NPAS3: variants seen among roughly 807,000 people sequenced by gnomAD.
NPAS3 encodes the protein neuronal PAS domain protein 3, also known as neuronal PAS domain-containing protein 3.
In NPAS3, 14 loss-of-function variants were observed where a neutral mutation model predicts 73.1. That is an observed-to-expected ratio of 0.19 (90% CI 0.13 to 0.30). NPAS3 has a LOEUF of 0.30. Ranked by LOEUF, NPAS3 falls within the 10% of genes least tolerant of loss-of-function variation. NPAS3 has a pLI of 1.00. For synonymous variants in NPAS3, 620 were observed against 541.5 expected, an observed-to-expected ratio of 1.14 and a Z score of -2.01; for missense variants, 1,096 against 1,250.0, an observed-to-expected ratio of 0.88 and a Z score of 1.86.
intron 9 of NPAS3, among the ~76,000 whole-genome samples, chr14:33,789,635 C>T (rs2063291001): frequency 8.0e-6 from 1 of 124,296 alleles, no homozygotes; most frequent in Admixed American, 9.3e-5. Flanking sequence ...GTCGCCCAGG[C>T]TGGAGTGCAG....
intron 3 of NPAS3, among the ~76,000 whole-genome samples, chr14:33,297,582 A>G (rs2042353085): frequency 6.6e-6 from 1 of 152,230 alleles, no homozygotes; most frequent in Non-Finnish European, 1.5e-5. Flanking sequence ...ATTGATTGCT[A>G]GTATAGGCAA....
chr14:33,649,260 T>A (rs541880028), intron 5 of NPAS3, among the ~76,000 whole-genome samples: 11 of 152,194 alleles, frequency 7.2e-5, no homozygotes, highest in Non-Finnish European at 1.0e-4. Flanking sequence ...GCTGTTTAAC[T>A]GAAATAAGGC....
intron 2 of NPAS3, among the ~76,000 whole-genome samples, chr14:33,198,987 C>A (rs56714741): frequency 0.34 from 51,418 of 152,118 alleles, 8,985 homozygotes; most frequent in East Asian, 0.52. Flanking sequence ...AGATGCTAAG[C>A]CCCACACTGT....
At chr14:33,631,540 A>G (rs1409615931) in intron 5 of NPAS3, among the ~76,000 whole-genome samples, 2 of 152,330 alleles carry the variant, frequency 1.3e-5, no homozygotes, top group South Asian at 2.1e-4. Flanking sequence ...CACGTGTCCC[A>G]GTGGCCTTTA....
intron 3 of NPAS3, among the ~76,000 whole-genome samples, chr14:33,222,809 T>C (rs934628757): frequency 2.6e-5 from 4 of 152,010 alleles, no homozygotes; most frequent in Non-Finnish European, 5.9e-5. Context: ...TGAGTTTAAA[T>C]CATAAACTAG....
At chr14:33,198,716 C>G (rs544658572) in intron 2 of NPAS3, among the ~76,000 whole-genome samples, 1 of 152,226 alleles carries the variant, frequency 6.6e-6, no homozygotes, top group East Asian at 1.9e-4. Context: ...CGGAGCTGCC[C>G]GCCAGCCCTG....
intron 2 of NPAS3, among the ~76,000 whole-genome samples, chr14:33,111,896 C>A (rs1472650363): frequency 4.6e-5 from 7 of 151,058 alleles, no homozygotes; most frequent in African/African-American, 1.5e-4. Context: ...TCAATTCCCA[C>A]CTATGAGTGA....
At chr14:33,167,799 A>G (rs2045221357) in intron 2 of NPAS3, among the ~76,000 whole-genome samples, 1 of 152,172 alleles carries the variant, frequency 6.6e-6, no homozygotes, top group South Asian at 2.1e-4. Context: ...ACTTCCAGAC[A>G]TGGTTATTCT....
intron 4 of NPAS3, among the ~76,000 whole-genome samples, chr14:33,406,434 G>A (rs1281497016): frequency 2.6e-5 from 4 of 152,228 alleles, no homozygotes; most frequent in East Asian, 1.9e-4. Context: ...TCAGAAATCT[G>A]TTGGCCATGG....
chr14:33,154,874 T>A (rs2044591252), intron 2 of NPAS3, among the ~76,000 whole-genome samples: 1 of 152,224 alleles, frequency 6.6e-6, no homozygotes, highest in Non-Finnish European at 1.5e-5. Flanking sequence ...ATTTGAGGCT[T>A]CTACCCAGAG....
In NPAS3 at chr14:32,946,346, G is replaced by GCACACACACACACACACACACACA. The variant is rs5807694; in HGVS notation, c.50+6981_50+6982insACACACACACACACACACACACAC. On this transcript the variant is annotated intron_variant, in intron 1 of 11. Transcript: ENST00000356141. ...CCCCATCCCCCCAACACACACACAC[G>GCACACACACACACACACACACACA]CGCACACACACACACACACACACAC... Among the ~76,000 whole-genome samples the GCACACACACACACACACACACACA allele has an allele frequency of 9.9e-5, 13 of 131,872 alleles. 1 individual carries two copies. Among genetic ancestry groups the GCACACACACACACACACACACACA allele is most frequent in the Non-Finnish European group, 1.7e-4 (11 of 63,128 alleles). 86.5% of individuals were successfully genotyped at this position (131,872 alleles called of 152,430 possible). A position where few individuals can be genotyped will look rare whatever the true frequency, so the allele number is the denominator to read the frequency against.
At chr14:33,576,346 A>T (rs1395693935) in intron 5 of NPAS3, among the ~76,000 whole-genome samples, 2 of 152,194 alleles carry the variant, frequency 1.3e-5, no homozygotes, top group East Asian at 3.8e-4. Context: ...TCCTAGCTCT[A>T]GGCATGCCCT....
intron 5 of NPAS3, among the ~76,000 whole-genome samples, chr14:33,561,843 T>C (rs1263684207): frequency 6.6e-6 from 1 of 152,232 alleles, no homozygotes; most frequent in Non-Finnish European, 1.5e-5. Context: ...ATCCATTATA[T>C]ACTAGCTCAA....
chr14:33,531,718 G>GGT (rs370897165), intron 4 of NPAS3, among the ~76,000 whole-genome samples: 11 of 152,024 alleles, frequency 7.2e-5, no homozygotes, highest in Non-Finnish European at 5.9e-5. Context: ...TGCATTACGT[G>GGT]GTGTGTGTGT....
intron 1 of NPAS3, among the ~76,000 whole-genome samples, chr14:32,947,588 CAT>C (rs907036022): frequency 2.0e-5 from 3 of 151,754 alleles, no homozygotes; most frequent in Non-Finnish European, 4.4e-5. Flanking sequence ...ATGATACACA[CAT>C]ATATATACAC....
At chr14:33,747,163 C>A (rs2140733297) in intron 7 of NPAS3, among the ~76,000 whole-genome samples, 1 of 151,942 alleles carries the variant, frequency 6.6e-6, no homozygotes, top group African/African-American at 2.4e-5. Flanking sequence ...GCATTATTCA[C>A]AATAGCAAAG....
At chr14:33,502,508 C>T (rs547888942) in intron 4 of NPAS3, among the ~76,000 whole-genome samples, 4 of 152,018 alleles carry the variant, frequency 2.6e-5, no homozygotes, top group South Asian at 2.1e-4. Flanking sequence ...TCTTTGACTT[C>T]GTGTGTTTTC....
At chr14:33,060,823 T>A (rs184224391) in intron 2 of NPAS3, among the ~76,000 whole-genome samples, 8 of 152,346 alleles carry the variant, frequency 5.3e-5, no homozygotes, top group African/African-American at 1.9e-4. Context: ...AATGGGTAGT[T>A]TTTTCCAACA....
At chr14:33,152,612 G>A (rs546183435) in intron 2 of NPAS3, among the ~76,000 whole-genome samples, 1 of 152,220 alleles carries the variant, frequency 6.6e-6, no homozygotes, top group East Asian at 1.9e-4. Flanking sequence ...AGTGATTGAT[G>A]TTTTTATATG....
Sources: allele counts gnomAD v4.1 joint callset (sites outside exome capture counted in the v4.1 genomes callset), GRCh38; gene constraint gnomAD v4.1.1; transcripts MANE v1.5; gene names NCBI Gene and HGNC (gene_info 2026-07-23, HGNC 2026-07-21).